MDFIC: variants seen among roughly 807,000 people sequenced by gnomAD.
MDFIC encodes myoD family inhibitor domain-containing protein.
Under a neutral mutation model 23.2 loss-of-function variants are expected in MDFIC, and 17 were observed. The ratio of observed to expected loss-of-function variants is 0.73; its 90% CI spans 0.50 to 1.10. The LOEUF (loss-of-function observed/expected upper bound fraction) is 1.10, where lower values mean the gene tolerates loss of function less well. Among genes scored for constraint, MDFIC ranks in the 50% least tolerant of loss-of-function variants. The pLI, the probability that MDFIC is intolerant of heterozygous loss-of-function variation, is 0.00. For missense variants in MDFIC, 356 were observed against 316.6 expected (o/e 1.12, Z -0.95); for synonymous variants, 120 against 115.2 (o/e 1.04, Z -0.27).
chr7:115,007,269 C>T (rs550439180), intron 4 of MDFIC, among the ~76,000 whole-genome samples: 262 of 152,266 alleles, frequency 1.7e-3, no homozygotes, highest in South Asian at 4.6e-3. Context: ...TCACTGCTGT[C>T]ACAGTAATAA....
At chr7:114,972,516 G>A (rs971204209) in intron 3 of MDFIC, among the ~76,000 whole-genome samples, 4 of 152,154 alleles carry the variant, frequency 2.6e-5, no homozygotes, top group African/African-American at 9.7e-5. Context: ...TCTTCAAATG[G>A]CAAAGTAAGG....
chr7:115,018,678 G>A lies in MDFIC; in HGVS notation c.*2743G>A, dbSNP rs1177530393. ...GCGGTGTCCTTTTAAATGTGGAAAG[G>A]CTTTTAAAATATTTTAAAACTGGAC... is the stretch of plus-strand genomic sequence containing the variant. On this transcript the variant is annotated 3_prime_UTR_variant, in exon 5 of 5. Coordinates refer to ENST00000393486, the MANE Select transcript of MDFIC (RefSeq NM_001166345.3). 1 of 152,286 alleles carries A rather than the reference G, an allele frequency of 6.6e-6. No homozygotes were observed. Among genetic ancestry groups the A allele is most frequent in the Non-Finnish European group, 1.5e-5 (1 of 67,826 alleles). 9.4% of individuals were successfully genotyped at this position (152,286 alleles called of 1,614,324 possible).
chr7:114,947,346 G>A (rs1792667520), intron 3 of MDFIC, among the ~76,000 whole-genome samples: 2 of 152,124 alleles, frequency 1.3e-5, no homozygotes, highest in South Asian at 4.1e-4. Flanking sequence ...TTTTTATTCA[G>A]TATGTTGGAC....
intron 4 of MDFIC, among the ~76,000 whole-genome samples, chr7:114,997,914 G>A (rs1021809707): frequency 6.6e-6 from 1 of 152,096 alleles, no homozygotes; most frequent in African/African-American, 2.4e-5. Flanking sequence ...CACATATGAG[G>A]CACTTTCAGT....
At chr7:114,929,005 G>T (rs1469689782) in intron 2 of MDFIC, among the ~76,000 whole-genome samples, 1 of 151,666 alleles carries the variant, frequency 6.6e-6, no homozygotes, top group Non-Finnish European at 1.5e-5. Context: ...TCCACATTTT[G>T]ATGAAATGAT....
chr7:114,970,919 C>T (rs760575808), intron 3 of MDFIC, among the ~76,000 whole-genome samples: 10 of 152,274 alleles, frequency 6.6e-5, no homozygotes, highest in African/African-American at 1.7e-4. Context: ...TACTCACCAG[C>T]GCTTGAACCA....
intron 3 of MDFIC, 116 bp downstream of exon 3, chr7:114,942,513 TA>T: frequency 1.3e-6 from 1 of 766,988 alleles, no homozygotes; most frequent in Non-Finnish European, 1.9e-6. Flanking sequence ...AGCGTTTATC[TA>T]AAAGTGGTTT....
At chr7:115,000,738 T>G (rs1255681271) in intron 4 of MDFIC, among the ~76,000 whole-genome samples, 1 of 152,230 alleles carries the variant, frequency 6.6e-6, no homozygotes, top group African/African-American at 2.4e-5. Context: ...GTTTGCATTT[T>G]AATGTCATGC....
chr7:114,943,174 G>A (rs974982651), intron 3 of MDFIC, among the ~76,000 whole-genome samples: 1 of 152,152 alleles, frequency 6.6e-6, no homozygotes, highest in Admixed American at 6.5e-5. Context: ...TTTTCAGAGT[G>A]GATGGAGGAG....
At chr7:115,014,600 C>A in intron 4 of MDFIC, 1 of 1,115,626 alleles carries the variant, frequency 9.0e-7, no homozygotes. Context: ...TTAAAACTTA[C>A]ATTATACAAA....
chr7:114,926,311 G>T (rs1792188863), intron 2 of MDFIC, among the ~76,000 whole-genome samples: 1 of 152,160 alleles, frequency 6.6e-6, no homozygotes, highest in African/African-American at 2.4e-5. Flanking sequence ...TAAGTGACTT[G>T]CCCAAGGTCT....
At chr7:114,940,088 T>G (rs897887143) in intron 2 of MDFIC, among the ~76,000 whole-genome samples, 1 of 152,240 alleles carries the variant, frequency 6.6e-6, no homozygotes, top group African/African-American at 2.4e-5. Flanking sequence ...GAAACTAACA[T>G]ATCTCATGAA....
intron 4 of MDFIC, among the ~76,000 whole-genome samples, chr7:115,013,757 A>G (rs1279406783): frequency 6.6e-6 from 1 of 152,240 alleles, no homozygotes; most frequent in Admixed American, 6.5e-5. Context: ...AGAGAGTCAT[A>G]TAAGACAGAT....
At chr7:114,973,660 A>G (rs1306289284) in intron 3 of MDFIC, among the ~76,000 whole-genome samples, 2 of 152,170 alleles carry the variant, frequency 1.3e-5, no homozygotes, top group Admixed American at 6.6e-5. Flanking sequence ...TTGCCTCTCT[A>G]AACACAACTT....
At chr7:115,014,010 G>T (rs1791739258) in intron 4 of MDFIC, 3 of 985,384 alleles carry the variant, frequency 3.0e-6, no homozygotes, top group Non-Finnish European at 3.6e-6. Context: ...GTAAAAGTGG[G>T]CTTGGCACTA....
chr7:114,922,904 A>G, intron 1 of MDFIC, 23 bp from the exon 2 acceptor site: 1 of 1,560,728 alleles, frequency 6.4e-7, no homozygotes, highest in African/African-American at 1.4e-5. Flanking sequence ...TTTTTTTTTT[A>G]ATTTTGTATA....
chr7:115,004,138 C>A (rs1260336605), intron 4 of MDFIC, among the ~76,000 whole-genome samples: 1 of 152,128 alleles, frequency 6.6e-6, no homozygotes, highest in Non-Finnish European at 1.5e-5. Flanking sequence ...GAATCCCAGA[C>A]CTCCCCTTAG....
intron 2 of MDFIC, among the ~76,000 whole-genome samples, chr7:114,931,511 G>A (rs576943370): frequency 3.3e-4 from 50 of 152,318 alleles, no homozygotes; most frequent in African/African-American, 1.2e-3. Context: ...ACAAGGTCCT[G>A]CGAAAATTAA....
chr7:114,949,411 A>C (rs1226141458), intron 3 of MDFIC, among the ~76,000 whole-genome samples: 1 of 152,248 alleles, frequency 6.6e-6, no homozygotes, highest in Non-Finnish European at 1.5e-5. Flanking sequence ...AGAAATAAAT[A>C]ACATTTAATG....
Sources: allele counts gnomAD v4.1 joint callset (sites outside exome capture counted in the v4.1 genomes callset), GRCh38; gene constraint gnomAD v4.1.1; transcripts MANE v1.5; gene names NCBI Gene and HGNC (gene_info 2026-07-23, HGNC 2026-07-21).